The following NTF3 variants were observed in gnomAD, a reference collection of about 807,000 sequenced individuals.
The protein encoded by NTF3 is neurotrophin 3, also known as neurotrophin-3.
A neutral mutation model predicts 26.3 loss-of-function variants in NTF3; 8 were observed. That is an observed-to-expected ratio of 0.30 (90% CI 0.18 to 0.55). The LOEUF (loss-of-function observed/expected upper bound fraction) is 0.55. Ranked by LOEUF, NTF3 falls within the 20% of genes least tolerant of loss-of-function variation. The pLI is 0.93. For missense variants in NTF3, 276 were observed against 352.9 expected (o/e 0.78, Z 1.75); for synonymous variants, 154 against 145.5 (o/e 1.06, Z -0.42).
At chr12:5,444,690 G>T (rs1940281970) in intron 1 of NTF3, among the ~76,000 whole-genome samples, 1 of 152,146 alleles carries the variant, frequency 6.6e-6, no homozygotes, top group African/African-American at 2.4e-5. Flanking sequence ...CCAGGGGCAT[G>T]GGAACTATGG....
At chr12:5,488,097 C>T (rs1276018587) in intron 1 of NTF3, among the ~76,000 whole-genome samples, 1 of 152,162 alleles carries the variant, frequency 6.6e-6, no homozygotes, top group Non-Finnish European at 1.5e-5. Flanking sequence ...GCCGTGGAAA[C>T]CCACACAGCT....
At chr12:5,472,362 A>G (rs890473554) in intron 1 of NTF3, among the ~76,000 whole-genome samples, 1 of 152,214 alleles carries the variant, frequency 6.6e-6, no homozygotes, top group African/African-American at 2.4e-5. Flanking sequence ...GTCATTAGAA[A>G]AATTATTTAC....
At chr12:5,465,266 A>G (rs1326536072) in intron 1 of NTF3, among the ~76,000 whole-genome samples, 1 of 152,236 alleles carries the variant, frequency 6.6e-6, no homozygotes, top group African/African-American at 2.4e-5. Flanking sequence ...ATTCAAGGCA[A>G]TAGAGAACTT....
chr12:5,434,414 G>A (rs1294613130), intron 1 of NTF3, among the ~76,000 whole-genome samples: 1 of 151,852 alleles, frequency 6.6e-6, no homozygotes, highest in African/African-American at 2.4e-5. Flanking sequence ...GCTTATCTAT[G>A]GAGTGAGATT....
At chr12:5,472,755 A>G (rs962367471) in intron 1 of NTF3, among the ~76,000 whole-genome samples, 2 of 152,122 alleles carry the variant, frequency 1.3e-5, no homozygotes, top group Non-Finnish European at 2.9e-5. Flanking sequence ...ATGCTGAGGG[A>G]GAAAGCTGTG....
At chr12:5,475,381 A>T (rs1243295934) in intron 1 of NTF3, among the ~76,000 whole-genome samples, 1 of 152,124 alleles carries the variant, frequency 6.6e-6, no homozygotes, top group Non-Finnish European at 1.5e-5. Context: ...GCAGGTGGGG[A>T]TGATGGACAT....
intron 1 of NTF3, among the ~76,000 whole-genome samples, chr12:5,476,135 TCC>T: frequency 6.6e-6 from 1 of 152,242 alleles, no homozygotes; most frequent in East Asian, 1.9e-4. Context: ...TAATCACACT[TCC>T]TGGTTGACCC....
chr12:5,475,947 GAAGAA>G (rs367798504), intron 1 of NTF3, among the ~76,000 whole-genome samples: 1 of 152,006 alleles, frequency 6.6e-6, no homozygotes, highest in African/African-American at 2.4e-5. Context: ...AGAGAAAAGA[GAAGAA>G]AAGACAAGAC....
intron 1 of NTF3, among the ~76,000 whole-genome samples, chr12:5,466,519 T>C (rs1940591373): frequency 1.3e-5 from 2 of 152,218 alleles, no homozygotes; most frequent in South Asian, 4.1e-4. Context: ...ATCCAGACTT[T>C]CCTAGCCATC....
chr12:5,491,096 C>A (rs1940930856), intron 1 of NTF3, among the ~76,000 whole-genome samples: 1 of 152,182 alleles, frequency 6.6e-6, no homozygotes, highest in South Asian at 2.1e-4. Context: ...GCCTACGAAC[C>A]AAATGCCCCC....
At chr12:5,475,426 T>C (rs921734888) in intron 1 of NTF3, among the ~76,000 whole-genome samples, 2 of 152,146 alleles carry the variant, frequency 1.3e-5, no homozygotes, top group African/African-American at 4.8e-5. Flanking sequence ...AGCATGTGGC[T>C]GGGATCAGAT....
intron 1 of NTF3, among the ~76,000 whole-genome samples, chr12:5,441,525 A>G (rs983917173): frequency 6.6e-6 from 1 of 152,210 alleles, no homozygotes; most frequent in Admixed American, 6.5e-5. Flanking sequence ...TTCCCCAGAG[A>G]GCCTAAGGCT....
intron 1 of NTF3, among the ~76,000 whole-genome samples, chr12:5,469,392 A>C (rs1053162372): frequency 6.6e-6 from 1 of 152,128 alleles, no homozygotes; most frequent in African/African-American, 2.4e-5. Flanking sequence ...GAAGGGAGAG[A>C]AGTGGGGACA....
At chr12:5,439,725 G>A (rs778136612) in intron 1 of NTF3, among the ~76,000 whole-genome samples, 10 of 152,288 alleles carry the variant, frequency 6.6e-5, no homozygotes, top group Admixed American at 2.0e-4. Flanking sequence ...TGATCCACAC[G>A]CCCACGAGAG....
At position 5,463,770 on chromosome 12, in the gene NTF3, G is replaced by A. The variant is rs1262228076; in HGVS notation, c.19-30424G>A. Among the ~76,000 whole-genome samples the A allele has an allele frequency of 3.9e-5, 6 of 152,214 alleles. No homozygotes were observed. The East Asian group carries it at 1.2e-3, about 29-fold the overall frequency. On this transcript the variant is annotated intron_variant, in intron 1 of 1. Coordinates refer to ENST00000423158, the MANE Select transcript of NTF3 (RefSeq NM_001102654.2). ...GAATACTTAGATAACTGCATAGATG[G>A]TTCAGCCTTCTTTCCATTATACCAC... is the stretch of plus-strand genomic sequence containing the variant.
chr12:5,437,876 T>TGTGC (rs1489736228), intron 1 of NTF3, among the ~76,000 whole-genome samples: 3 of 152,256 alleles, frequency 2.0e-5, no homozygotes, highest in Non-Finnish European at 2.9e-5. Flanking sequence ...GAGCACAGGA[T>TGTGC]GTGCGTGCGT....
chr12:5,465,027 G>T (rs1273726663), intron 1 of NTF3, among the ~76,000 whole-genome samples: 2 of 152,194 alleles, frequency 1.3e-5, no homozygotes, highest in African/African-American at 2.4e-5. Flanking sequence ...AGACTGAAAA[G>T]AGCCACCTAA....
chr12:5,481,774 C>G (rs1292782796), intron 1 of NTF3, among the ~76,000 whole-genome samples: 2 of 141,580 alleles, frequency 1.4e-5, no homozygotes, highest in Non-Finnish European at 3.1e-5. Context: ...TACAGAGACA[C>G]ACTCACACCT....
chr12:5,468,901 G>T (rs768673547), intron 1 of NTF3, among the ~76,000 whole-genome samples: 1 of 152,244 alleles, frequency 6.6e-6, no homozygotes, highest in Admixed American at 6.5e-5. Flanking sequence ...CAGGTGGATC[G>T]CTTTAGCCCA....
Sources: allele counts gnomAD v4.1 joint callset (sites outside exome capture counted in the v4.1 genomes callset), GRCh38; gene constraint gnomAD v4.1.1; transcripts MANE v1.5; gene names NCBI Gene and HGNC (gene_info 2026-07-23, HGNC 2026-07-21).